MGRN1: variants seen among roughly 807,000 people sequenced by gnomAD.
MGRN1 encodes E3 ubiquitin-protein ligase MGRN1.
A neutral mutation model predicts 69.2 loss-of-function variants in MGRN1; 29 were observed. The observed-to-expected ratio is 0.42, with a 90% confidence interval of 0.31 to 0.57. MGRN1 has a LOEUF of 0.57. Ranked by LOEUF, MGRN1 falls within the 20% of genes least tolerant of loss-of-function variation. The pLI is 0.15. For missense variants in MGRN1, 998 were observed against 796.2 expected, an observed-to-expected ratio of 1.25 and a Z score of -3.05; for synonymous variants, 470 against 344.2, an observed-to-expected ratio of 1.37 and a Z score of -4.04.
chr16:4,673,974 A>T (rs1277088402), intron 10 of MGRN1, among the ~76,000 whole-genome samples: 1 of 152,138 alleles, frequency 6.6e-6, no homozygotes, highest in South Asian at 2.1e-4. Flanking sequence ...TGAAATCTTT[A>T]TTCTTATTTT....
chr16:4,642,112 G>A (rs6500627), intron 1 of MGRN1, among the ~76,000 whole-genome samples: 21,633 of 146,008 alleles, frequency 0.15, 3,005 homozygotes, highest in African/African-American at 0.38. Flanking sequence ...TTCCCTGTCA[G>A]CATATGACTT....
At chr16:4,654,041 C>T (rs558245629) in intron 4 of MGRN1, among the ~76,000 whole-genome samples, 1 of 152,196 alleles carries the variant, frequency 6.6e-6, no homozygotes, top group Admixed American at 6.5e-5. Context: ...CGTGAGCCCC[C>T]ATGCCCGGCC....
At chr16:4,663,391 T>TTTTTTTTTTTTTTTTA (rs150893432) in intron 5 of MGRN1, among the ~76,000 whole-genome samples, 2 of 123,176 alleles carry the variant, frequency 1.6e-5, no homozygotes, top group Admixed American at 8.6e-5. Context: ...TTTTTTTTTT[T>TTTTTTTTTTTTTTTTA]ACACCTTTAT....
intron 10 of MGRN1, among the ~76,000 whole-genome samples, chr16:4,676,171 C>T (rs1203858106): frequency 6.6e-6 from 1 of 152,202 alleles, no homozygotes; most frequent in Non-Finnish European, 1.5e-5. Flanking sequence ...GCTGCTGGGG[C>T]CTGGAGGGAG....
chr16:4,664,868 A>C, intron 6 of MGRN1, 93 bp downstream of exon 6: 4 of 1,528,900 alleles, frequency 2.6e-6, no homozygotes, highest in Middle Eastern at 3.4e-4. Context: ...GTGATGAAGC[A>C]GGCCAGGCAT....
At chr16:4,678,074 T>G (rs1459738828) in intron 11 of MGRN1, among the ~76,000 whole-genome samples, 2 of 152,172 alleles carry the variant, frequency 1.3e-5, no homozygotes. Context: ...CTCGAACTCT[T>G]GGGCTCAAGT....
chr16:4,681,746 A>G lies in MGRN1; in HGVS notation c.1328A>G (p.Lys443Arg). The G allele has an allele frequency of 6.2e-7, 1 of 1,612,656 alleles. No homozygotes were observed. Among genetic ancestry groups the G allele is most frequent in the Non-Finnish European group, 8.5e-7 (1 of 1,179,744 alleles). Residue 443 changes from lysine to arginine, a missense_variant, in exon 13 of 17, where the codon AAG becomes AGG. Transcript: ENST00000262370. The stretch of plus-strand genomic sequence containing the variant: ...CACATCCTGGACAGCAGCCGCCAGA[A>G]GGGCAGGCCGCAGAGCAAGGCCCCC... ...IDHILDSSRQ[K>R]GRPQSKAPDS...
rs1383755116 is a variant in MGRN1 at position 4,690,388 on chromosome 16, TG to T, written c.*1481del. ...CAGCTGGGCCTGGGGACAGGTCGGC[TG>T]TGGGGCAGCTCAGTACCCTCCCTGA... On this transcript the variant is annotated 3_prime_UTR_variant, in exon 17 of 17. Transcript: ENST00000262370. 2.0e-4 allele frequency: 30 copies of T among 151,994 alleles called. No homozygotes were observed. Among genetic ancestry groups the T allele is most frequent in the Admixed American group, 1.9e-3 (29 of 15,262 alleles). 9.4% of individuals were successfully genotyped at this position (151,994 alleles called of 1,614,324 possible).
chr16:4,656,747 G>A (rs1158070800), intron 4 of MGRN1, among the ~76,000 whole-genome samples: 1 of 152,042 alleles, frequency 6.6e-6, no homozygotes, highest in Non-Finnish European at 1.5e-5. Context: ...TAGCATGGTG[G>A]CGCACACCTG....
In MGRN1 at chr16:4,686,018, G is replaced by T. The variant is rs149417967; in HGVS notation, c.1618+2086G>T. On this transcript the variant is annotated intron_variant, in intron 16 of 16. Transcript: ENST00000262370. ...TAGGTCCTTCATGCGCCCTTCCCTA[G>T]GCTGCGGCAGCGGGAGGTATGGGAG... Among the ~76,000 whole-genome samples, 635 of 152,294 alleles carry T rather than the reference G, an allele frequency of 4.2e-3. 3 individuals are homozygous for T. Among genetic ancestry groups the T allele is most frequent in the Non-Finnish European group, 7.2e-3 (491 of 68,026 alleles).
chr16:4,685,787 C>T (rs1220689223), intron 16 of MGRN1, among the ~76,000 whole-genome samples: 1 of 152,234 alleles, frequency 6.6e-6, no homozygotes, highest in Non-Finnish European at 1.5e-5. Flanking sequence ...ACGCCAGAGC[C>T]TTTGGTTTCT....
intron 10 of MGRN1, among the ~76,000 whole-genome samples, chr16:4,675,265 C>T (rs1429855481): frequency 6.6e-6 from 1 of 152,032 alleles, no homozygotes; most frequent in Non-Finnish European, 1.5e-5. Context: ...AGCCACAGGG[C>T]CCTGCCTTGT....
intron 1 of MGRN1, among the ~76,000 whole-genome samples, chr16:4,642,196 T>C (rs1407747277): frequency 1.3e-5 from 2 of 151,546 alleles, no homozygotes; most frequent in African/African-American, 2.4e-5. Flanking sequence ...AGTGGCGCGA[T>C]TTCAGCTCGC....
chr16:4,668,452 C>T (rs962776940), intron 8 of MGRN1, 140 bp downstream of exon 8: 18 of 838,744 alleles, frequency 2.1e-5, no homozygotes, highest in Non-Finnish European at 3.0e-5. Flanking sequence ...CATACACATT[C>T]ACTTGCACAT....
In MGRN1 at chr16:4,677,977, C is replaced by T. The variant is rs1029901330; in HGVS notation, c.1065+405C>T. Among the ~76,000 whole-genome samples the T allele has an allele frequency of 2.6e-5, 4 of 151,950 alleles. No individual in the cohort carries two copies. The South Asian group carries it at 6.2e-4, about 24-fold the overall frequency. The stretch of plus-strand genomic sequence containing the variant: ...ATTCCCCCATTTCAGCCTCCCAAGA[C>T]GCTGTGACCACGGGCGTGTACCACC... On this transcript the variant is annotated intron_variant, in intron 11 of 16. Coordinates refer to ENST00000262370, the MANE Select transcript of MGRN1 (RefSeq NM_015246.4).
chr16:4,668,012 T>A (rs939737643), intron 7 of MGRN1, among the ~76,000 whole-genome samples: 5 of 152,254 alleles, frequency 3.3e-5, no homozygotes, highest in African/African-American at 1.2e-4. Context: ...GTTCTGTGGG[T>A]CAGCAGAGGG....
intron 4 of MGRN1, among the ~76,000 whole-genome samples, chr16:4,656,442 T>C (rs985876746): frequency 2.6e-5 from 4 of 152,238 alleles, no homozygotes; most frequent in Admixed American, 1.3e-4. Context: ...AGACCCGCGC[T>C]GCATGTGGGC....
chr16:4,643,279 A>G (rs1479957861), intron 1 of MGRN1, among the ~76,000 whole-genome samples: 3 of 152,016 alleles, frequency 2.0e-5, no homozygotes, highest in African/African-American at 2.4e-5. Flanking sequence ...TATTTTTGGC[A>G]GAGATGGGGT....
At chr16:4,670,216 C>G (rs1399629916) in intron 8 of MGRN1, among the ~76,000 whole-genome samples, 1 of 151,930 alleles carries the variant, frequency 6.6e-6, no homozygotes, top group East Asian at 1.9e-4. Flanking sequence ...GTGTGCGCCA[C>G]CACAGTTGGT....
Sources: gnomAD v4.1 joint callset for allele counts (sites outside exome capture counted in the v4.1 genomes callset) on GRCh38, gnomAD v4.1.1 for gene constraint, MANE v1.5 for transcripts, NCBI Gene and HGNC (gene_info 2026-07-23, HGNC 2026-07-21) for gene names.